The following PJA2 variants were observed in gnomAD, a reference collection of about 807,000 sequenced individuals.
PJA2 encodes the protein E3 ubiquitin-protein ligase Praja-2.
A neutral mutation model predicts 69.3 loss-of-function variants in PJA2; 25 were observed. That is an observed-to-expected ratio of 0.36 (90% CI 0.26 to 0.50). PJA2 has a LOEUF of 0.50. Ranked by LOEUF, PJA2 falls within the 20% of genes least tolerant of loss-of-function variation. The pLI is 0.96. For synonymous variants in PJA2, 308 were observed against 277.8 expected, an observed-to-expected ratio of 1.11 and a Z score of -1.08; for missense variants, 809 against 830.2, an observed-to-expected ratio of 0.97 and a Z score of 0.31.
chr5:109,383,995 CA>C (rs1385178923), intron 1 of PJA2, among the ~76,000 whole-genome samples: 3 of 152,102 alleles, frequency 2.0e-5, no homozygotes, highest in Non-Finnish European at 4.4e-5. Flanking sequence ...TCAGAAATAC[CA>C]AAATGGCTAT....
In PJA2 at chr5:109,407,804, A is replaced by G. The variant is rs545737376; in HGVS notation, c.-88+2038T>C. 9.2e-5 allele frequency among the ~76,000 whole-genome samples: 14 copies of G among 152,142 alleles called. No individual in the cohort carries two copies. The South Asian group carries it at 2.5e-3, about 27-fold the overall frequency. ...AGGAAGGAATGTTATACGTATGAAGAAAAAAAAGAAAAACTATAAAAATTT... is the reference window on the plus strand; with the variant it reads ...AGGAAGGAATGTTATACGTATGAAGGAAAAAAAGAAAAACTATAAAAATTT... On this transcript the variant is annotated intron_variant, in intron 1 of 9. Coordinates refer to ENST00000361189, the MANE Select transcript of PJA2 (RefSeq NM_014819.5).
In PJA2 at chr5:109,401,795, A is replaced by G. The variant is rs572395725; in HGVS notation, c.-88+8047T>C. 4.9e-4 allele frequency among the ~76,000 whole-genome samples: 75 copies of G among 152,356 alleles called. 1 individual carries two copies. The highest frequency in any genetic ancestry group is 1.6e-3 in the African/African-American group (65 of 41,592). ...GGAAAAGAGGCCACTATAACACAGA[A>G]AATCAATTTTAATTTAACTTGTACT... On this transcript the variant is annotated intron_variant, in intron 1 of 9. Coordinates refer to ENST00000361189, the MANE Select transcript of PJA2 (RefSeq NM_014819.5).
intron 1 of PJA2, among the ~76,000 whole-genome samples, chr5:109,391,183 AAC>A (rs1260551819): frequency 6.6e-6 from 1 of 152,184 alleles, no homozygotes; most frequent in Non-Finnish European, 1.5e-5. Flanking sequence ...AAACTCACAT[AAC>A]AGTTTAACTC....
At chr5:109,364,116 C>G (rs896882409) in intron 5 of PJA2, among the ~76,000 whole-genome samples, 1 of 152,120 alleles carries the variant, frequency 6.6e-6, no homozygotes, top group Non-Finnish European at 1.5e-5. Context: ...GCACTCCAGC[C>G]TGGGCAACAA....
At chr5:109,360,012 C>G (rs1319702822) in intron 6 of PJA2, among the ~76,000 whole-genome samples, 2 of 152,160 alleles carry the variant, frequency 1.3e-5, no homozygotes, top group East Asian at 3.8e-4. Flanking sequence ...AATGGTAACA[C>G]AAACGTGGTT....
intron 1 of PJA2, among the ~76,000 whole-genome samples, chr5:109,389,600 TTCC>T (rs1169232603): frequency 6.6e-6 from 1 of 152,030 alleles, no homozygotes; most frequent in Non-Finnish European, 1.5e-5. Flanking sequence ...CTGTAAAACT[TTCC>T]TGTTTCATTG....
chr5:109,385,693 GAAGTT>G (rs1747141592), intron 1 of PJA2, among the ~76,000 whole-genome samples: 1 of 152,186 alleles, frequency 6.6e-6, no homozygotes, highest in African/African-American at 2.4e-5. Flanking sequence ...ATGGAGAAGT[GAAGTT>G]AAGCCCTGAG....
intron 7 of PJA2, among the ~76,000 whole-genome samples, chr5:109,349,281 G>T (rs1762214216): frequency 1.3e-5 from 2 of 152,178 alleles, no homozygotes; most frequent in Admixed American, 1.3e-4. Flanking sequence ...AATCTGGGCT[G>T]TTTAAATACT....
intron 4 of PJA2, among the ~76,000 whole-genome samples, chr5:109,373,791 TAC>T (rs1490654851): frequency 6.6e-6 from 1 of 152,216 alleles, no homozygotes; most frequent in African/African-American, 2.4e-5. Flanking sequence ...ACTCAAATGT[TAC>T]ACTCTACACA....
intron 4 of PJA2, 22 bp downstream of exon 4, chr5:109,378,182 A>G (rs762531168): frequency 5.8e-6 from 9 of 1,554,048 alleles, no homozygotes; most frequent in Non-Finnish European, 7.9e-6. Context: ...ACAATCGGAA[A>G]AAGTACTGGA....
At chr5:109,397,512 C>T (rs1468352977) in intron 1 of PJA2, among the ~76,000 whole-genome samples, 2 of 151,370 alleles carry the variant, frequency 1.3e-5, no homozygotes, top group Non-Finnish European at 2.9e-5. Flanking sequence ...AAAAAAGCAA[C>T]AACTTTATTT....
At chr5:109,403,206 G>A (rs1184364315) in intron 1 of PJA2, among the ~76,000 whole-genome samples, 1 of 152,034 alleles carries the variant, frequency 6.6e-6, no homozygotes, top group Non-Finnish European at 1.5e-5. Flanking sequence ...AAATAATTAA[G>A]AAACAACTTT....
chr5:109,383,601 A>C (rs1747097815), intron 1 of PJA2, 81 bp from the exon 2 acceptor site: 1 of 519,332 alleles, frequency 1.9e-6, no homozygotes, highest in African/African-American at 1.9e-5. Context: ...CCTCCTAGTG[A>C]AGTCTTATAA....
intron 4 of PJA2, among the ~76,000 whole-genome samples, chr5:109,369,897 C>T (rs769087389): frequency 3.3e-5 from 5 of 151,810 alleles, no homozygotes; most frequent in South Asian, 2.1e-4. Flanking sequence ...CTGGGCGTGG[C>T]GCTGCACGCC....
chr5:109,337,466 C>A (rs552154809), intron 9 of PJA2, 110 bp from the exon 10 acceptor site: 7 of 1,242,098 alleles, frequency 5.6e-6, no homozygotes, highest in Non-Finnish European at 6.5e-6. Flanking sequence ...CTCTTAACAA[C>A]AAAAAACAAA....
intron 7 of PJA2, among the ~76,000 whole-genome samples, chr5:109,354,431 CT>C (rs1762366668): frequency 7.2e-6 from 1 of 138,790 alleles, no homozygotes; most frequent in African/African-American, 2.8e-5. Flanking sequence ...TCTATGATAT[CT>C]AGAGATGTCT....
intron 1 of PJA2, among the ~76,000 whole-genome samples, chr5:109,383,989 A>C (rs952037832): frequency 9.9e-5 from 15 of 152,202 alleles, no homozygotes; most frequent in Non-Finnish European, 5.9e-5. Flanking sequence ...AAACTCTCAG[A>C]AATACCAAAA....
chr5:109,370,711 A>C lies in PJA2; in HGVS notation c.1284-1965T>G, dbSNP rs1161975394. Among the ~76,000 whole-genome samples the C allele has an allele frequency of 1.8e-4, 28 of 152,208 alleles. 1 individual carries two copies. Among genetic ancestry groups the C allele is most frequent in the Admixed American group, 1.8e-3 (27 of 15,284 alleles). On this transcript the variant is annotated intron_variant, in intron 4 of 9. Transcript: ENST00000361189. ...AGTTTTAAAGGAGCTTATTGACCTA[A>C]GTTTCCTTGAGTAAGAACCTTCTAA...
In PJA2 at chr5:109,378,587, A is replaced by G; in HGVS notation, c.900T>C (p.Asn300=). Residue 300 remains asparagine, a synonymous_variant, in exon 4 of 10, where the codon AAT becomes AAC. Coordinates refer to ENST00000361189, the MANE Select transcript of PJA2 (RefSeq NM_014819.5). ...AACTTCCATGGTTCTTTTCCCTATCATTGGTATTTTGTTCACTACAAATAT... is the reference window on the plus strand; with the variant it reads ...AACTTCCATGGTTCTTTTCCCTATCGTTGGTATTTTGTTCACTACAAATAT... ...PGHICSEQNT[N]DREKNHGSSP... is the part of the protein sequence containing the mutation. 6.2e-7 allele frequency: 1 copy of G among 1,614,044 alleles called. No individual in the cohort carries two copies. The highest frequency in any genetic ancestry group is 8.5e-7 in the Non-Finnish European group (1 of 1,179,998).
Sources: allele counts gnomAD v4.1 joint callset (sites outside exome capture counted in the v4.1 genomes callset), GRCh38; gene constraint gnomAD v4.1.1; transcripts MANE v1.5; gene names NCBI Gene and HGNC (gene_info 2026-07-23, HGNC 2026-07-21).